The following CCDC157 variants were observed in gnomAD, a reference collection of about 807,000 sequenced individuals.
The protein encoded by CCDC157 is coiled-coil domain-containing protein 157.
CCDC157 carries 60 observed loss-of-function variants against 70.9 expected under a neutral mutation model. That is an observed-to-expected ratio of 0.85 (90% confidence interval 0.69 to 1.05). The LOEUF (loss-of-function observed/expected upper bound fraction) is 1.05, where lower values mean the gene tolerates loss of function less well. Among genes scored for constraint, CCDC157 ranks in the 50% least tolerant of loss-of-function variants. The probability of loss-of-function intolerance (pLI) is 0.00; values close to 1 mark genes in which losing one functional copy is unlikely to be tolerated. For missense variants in CCDC157, 943 were observed against 984.2 expected (o/e 0.96, Z 0.56); for synonymous variants, 373 against 422.4 (o/e 0.88, Z 1.43).
rs144439139 is a variant in CCDC157, at chr22:30,372,083, G to A, written c.1132G>A (p.Ala378Thr). 7 of 1,540,598 alleles carry A rather than the reference G, an allele frequency of 4.5e-6. No individual in the cohort carries two copies. The highest frequency in any genetic ancestry group is 5.3e-6 in the Non-Finnish European group (6 of 1,138,620). The change falls in exon 7 of 12, where the codon GCC (alanine) becomes ACC (threonine). Residue 378 changes from alanine to threonine, a missense_variant. By Grantham distance (58) the Ala-to-Thr change is moderately conservative. Transcript: ENST00000338306. ...TCCACTTAATGCTGCAGAGGCAAAG[G>A]CCCAGCAGCTGCAGGAGGAAGGTGA... is the stretch of plus-strand genomic sequence containing the variant. ...RESTQAVEAK[A>T]QQLQEEGERR...
chr22:30,361,377 A>T (rs1250697704), intron 1 of CCDC157, among the ~76,000 whole-genome samples: 1 of 151,990 alleles, frequency 6.6e-6, no homozygotes, highest in Non-Finnish European at 1.5e-5. Flanking sequence ...CCATCTGGGT[A>T]TAGGGCAGGA....
At position 30,377,548 on chromosome 22, in the gene CCDC157, C is replaced by G. The variant is rs1293661463; in HGVS notation, c.*803C>G. On this transcript the variant is annotated 3_prime_UTR_variant, in exon 12 of 12. Transcript: ENST00000338306. The stretch of plus-strand genomic sequence containing the variant: ...ATCTCCAAAAACTTGCTGAGGCCTT[C>G]TCAGGGCGCACGCTCCCAAATGCCT... 1 of 153,760 alleles carries G rather than the reference C, an allele frequency of 6.5e-6. No homozygotes were observed. The highest frequency in any genetic ancestry group is 1.4e-5 in the Non-Finnish European group (1 of 69,056). 9.5% of individuals were successfully genotyped at this position (153,760 alleles called of 1,614,324 possible). A position where few individuals can be genotyped will look rare whatever the true frequency, so the allele number is the denominator to read the frequency against.
Position 30,366,150 on chromosome 22 carries a change from C to G in CCDC157, c.150C>G (p.Leu50=). ...WKFPDRMACD[L]DMVALLEHYD... ...TCCCTGACCGCATGGCCTGTGACCT[C>G]GACATGGTGGCCCTGCTGGAGCACT... Residue 50 remains leucine, a synonymous_variant, in exon 3 of 12, where the codon CTC becomes CTG. Coordinates refer to ENST00000338306, the MANE Select transcript of CCDC157 (RefSeq NM_001017437.5). 6.2e-7 allele frequency: 1 copy of G among 1,613,772 alleles called. No homozygotes were observed. Among genetic ancestry groups the G allele is most frequent in the Non-Finnish European group, 8.5e-7 (1 of 1,180,004 alleles).
In CCDC157 at chr22:30,373,589, C is replaced by T. The variant is rs1933104825; in HGVS notation, c.1336-8C>T. On this transcript the variant is annotated splice_region_variant and splice_polypyrimidine_tract_variant and intron_variant, in intron 7 of 11. Coordinates refer to ENST00000338306, the MANE Select transcript of CCDC157 (RefSeq NM_001017437.5). Reference sequence around the variant, plus strand: ...TCACAGCCTCCCTGCTTGTCCGTTCCTGCTTAGTCTCTGCAGGCCAAGCAG... The same window carrying T: ...TCACAGCCTCCCTGCTTGTCCGTTCTTGCTTAGTCTCTGCAGGCCAAGCAG... 1.3e-6 allele frequency: 2 copies of T among 1,552,856 alleles called. No individual in the cohort carries two copies. The highest frequency in any genetic ancestry group is 1.4e-5 in the African/African-American group (1 of 73,196).
rs750607091 is a variant in CCDC157 at position 30,366,133 on chromosome 22, C to T, written c.133C>T (p.Arg45Cys). 8 of 1,613,548 alleles carry T rather than the reference C, an allele frequency of 5.0e-6. No individual in the cohort carries two copies. The highest frequency in any genetic ancestry group is 1.6e-4 in the Middle Eastern group (1 of 6,082). The stretch of plus-strand genomic sequence containing the variant: ...CTTCCCCTCCTGGAAGTTCCCTGAC[C>T]GCATGGCCTGTGACCTCGACATGGT... ...VRFPSWKFPD[R>C]MACDLDMVAL... The change falls in exon 3 of 12, where the codon CGC (arginine) becomes TGC (cysteine). Residue 45 changes from arginine (R) to cysteine (C), a missense_variant. Physicochemically the swap from Arg to Cys is radical, Grantham distance 180. Transcript: ENST00000338306.
intron 1 of CCDC157, among the ~76,000 whole-genome samples, chr22:30,357,810 C>A (rs1932022370): frequency 6.6e-6 from 1 of 151,910 alleles, no homozygotes; most frequent in Non-Finnish European, 1.5e-5. Flanking sequence ...AGCCACCGCG[C>A]CCGGCCAGTT....
intron 2 of CCDC157, among the ~76,000 whole-genome samples, chr22:30,365,457 A>G (rs1281008020): frequency 6.6e-6 from 1 of 152,146 alleles, no homozygotes; most frequent in East Asian, 1.9e-4. Context: ...CACTGTGGCC[A>G]GCATGACATG....
chr22:30,371,948 G>T, intron 6 of CCDC157, 127 bp from the exon 7 acceptor site: 1 of 780,726 alleles, frequency 1.3e-6, no homozygotes, highest in East Asian at 2.7e-5. Flanking sequence ...CTCAGGTGGG[G>T]TCTAGAGCCC....
In CCDC157 at chr22:30,378,162, G is replaced by C. The variant is rs537517437; in HGVS notation, c.*1417G>C. On this transcript the variant is annotated 3_prime_UTR_variant, in exon 12 of 12. Coordinates refer to ENST00000338306, the MANE Select transcript of CCDC157 (RefSeq NM_001017437.5). ...CTCCATCTTCAAGTCAACAACAGAG[G>C]ATTTCTCATGTGCTGAATCCCCCAC... 2.1e-6 allele frequency: 1 copy of C among 470,992 alleles called. No homozygotes were observed. Among genetic ancestry groups the C allele is most frequent in the East Asian group, 6.9e-5 (1 of 14,398 alleles). The allele number at this position is 470,992 out of a possible 1,614,324, so 29.2% of individuals were successfully genotyped here.
intron 2 of CCDC157, among the ~76,000 whole-genome samples, chr22:30,365,523 G>A (rs377593863): frequency 6.6e-6 from 1 of 152,166 alleles, no homozygotes; most frequent in Non-Finnish European, 1.5e-5. Context: ...ATTGGAGAGG[G>A]CAGGCCTGTG....
At position 30,369,531 on chromosome 22, in the gene CCDC157, G is replaced by A; in HGVS notation, c.348G>A (p.Val116=). The change falls in exon 4 of 12, where the codon GTG becomes GTA. Residue 116 remains valine, a synonymous_variant. Transcript: ENST00000338306. ...AGGCTGCGGGGCCCTGCATGTCCGT[G>A]GGGCTCACGGTGCGGCGCTTCTGGG... ...PAQAAGPCMS[V]GLTVRRFWDS... is the part of the protein sequence containing the mutation. 1 of 1,607,020 alleles carries A rather than the reference G, an allele frequency of 6.2e-7. No individual in the cohort carries two copies. Among genetic ancestry groups the A allele is most frequent in the East Asian group, 2.3e-5 (1 of 44,110 alleles).
chr22:30,372,468 TGACCCAGG>T (rs1933016579), intron 7 of CCDC157, 182 bp downstream of exon 7: 1 of 862,756 alleles, frequency 1.2e-6, no homozygotes, highest in Admixed American at 3.1e-5. Flanking sequence ...GGGGGAACAG[TGACCCAGG>T]GACTGATACT....
intron 1 of CCDC157, among the ~76,000 whole-genome samples, chr22:30,358,935 C>G (rs1404359267): frequency 6.6e-6 from 1 of 152,236 alleles, no homozygotes; most frequent in African/African-American, 2.4e-5. Flanking sequence ...ATCTGCATGA[C>G]TTCAATTTTC....
Position 30,370,706 on chromosome 22 carries a change from G to A in CCDC157, c.801G>A (p.Leu267=). ...AGGACAGCATGGGGCTCAGGCCACT[G>A]CCGGCTGCCACCGTGGGCCGCTGGG... ...LVQDSMGLRP[L]PAATVGRWAA... The change falls in exon 5 of 12, where the codon CTG becomes CTA. Residue 267 remains leucine, a synonymous_variant. Transcript: ENST00000338306. 1 of 1,613,398 alleles carries A rather than the reference G, an allele frequency of 6.2e-7. No individual in the cohort carries two copies. The highest frequency in any genetic ancestry group is 8.5e-7 in the Non-Finnish European group (1 of 1,179,836).
At chr22:30,365,349 G>A (rs1420771720) in intron 2 of CCDC157, among the ~76,000 whole-genome samples, 2 of 151,826 alleles carry the variant, frequency 1.3e-5, no homozygotes, top group African/African-American at 4.8e-5. Context: ...GGGGTGGAGG[G>A]GAGACTATGG....
intron 10 of CCDC157, 42 bp downstream of exon 10, chr22:30,375,705 C>T: frequency 2.6e-6 from 4 of 1,541,828 alleles, no homozygotes; most frequent in Non-Finnish European, 3.5e-6. Flanking sequence ...AGGAGGAAGC[C>T]CCTATCCAGC....
In CCDC157 at chr22:30,365,986, C is replaced by A; in HGVS notation, c.-11-4C>A. On this transcript the variant is annotated splice_polypyrimidine_tract_variant and splice_region_variant and intron_variant, in intron 2 of 11. Transcript: ENST00000338306. ...CTGGCAGGGCTCTTCTCTGCTCACC[C>A]CAGGATCTGTGAGGATGGCGCACCT... 6.3e-7 allele frequency: 1 copy of A among 1,575,126 alleles called. No individual in the cohort carries two copies. Among genetic ancestry groups the A allele is most frequent in the East Asian group, 2.3e-5 (1 of 43,186 alleles).
At chr22:30,357,787 G>A (rs1279424074) in intron 1 of CCDC157, among the ~76,000 whole-genome samples, 1 of 151,916 alleles carries the variant, frequency 6.6e-6, no homozygotes, top group Non-Finnish European at 1.5e-5. Flanking sequence ...AAAGTGTTAG[G>A]GTTACAGGCG....
rs1199866107 is a variant in CCDC157 at position 30,370,563 on chromosome 22, C to T, written c.658C>T (p.Pro220Ser). ...CCAGACCATTGAGACGGCCCTGGTG[C>T]CCTGTGACGCATGCGCCAGCGTCCA... is the stretch of plus-strand genomic sequence containing the variant. The part of the protein sequence containing the change: ...HSQTIETALV[P>S]CDACASVQGS... Residue 220 changes from proline (P) to serine (S), a missense_variant, in exon 5 of 12, where the codon CCC becomes TCC. Pro to Ser is a moderately conservative substitution (Grantham distance 74, BLOSUM62 -1). Coordinates refer to ENST00000338306, the MANE Select transcript of CCDC157 (RefSeq NM_001017437.5). 6 of 1,613,958 alleles carry T rather than the reference C, an allele frequency of 3.7e-6. No individual in the cohort carries two copies. The highest frequency in any genetic ancestry group is 5.1e-6 in the Non-Finnish European group (6 of 1,180,052).
Sources: gnomAD v4.1 joint callset for allele counts (sites outside exome capture counted in the v4.1 genomes callset) on GRCh38, gnomAD v4.1.1 for gene constraint, MANE v1.5 for transcripts, NCBI Gene and HGNC (gene_info 2026-07-23, HGNC 2026-07-21) for gene names.